TNFRSF10C: variants seen among roughly 807,000 people sequenced by gnomAD.
TNFRSF10C encodes the protein tumor necrosis factor receptor superfamily member 10C.
In TNFRSF10C, 17 loss-of-function variants were observed where a neutral mutation model predicts 16.7. The observed-to-expected ratio is 1.02, with a 90% CI of 0.70 to 1.53. The LOEUF is 1.53. Among genes scored for constraint, TNFRSF10C ranks in the 40% most tolerant of loss-of-function variants. The pLI is 0.00. For synonymous variants in TNFRSF10C, 73 were observed against 119.7 expected (o/e 0.61, Z 2.55); for missense variants, 237 against 329.7 (o/e 0.72, Z 2.18).
rs761937814 is a variant in TNFRSF10C at position 23,103,135 on chromosome 8, C to G, written c.14C>G (p.Pro5Arg). ...GGGAACCATACCATGGCCCGGATCCCCAAGACCCTAAAGTTCGTCGTCGTC... is the reference window on the plus strand; with the variant it reads ...GGGAACCATACCATGGCCCGGATCCGCAAGACCCTAAAGTTCGTCGTCGTC... MARI[P>R]KTLKFVVVIV... Residue 5 changes from proline to arginine, a missense_variant, in exon 1 of 5, where the codon CCC becomes CGC. Physicochemically the swap from Pro to Arg is moderately radical, Grantham distance 103. Transcript: ENST00000356864. The G allele has an allele frequency of 3.7e-5, 60 of 1,612,164 alleles. No individual in the cohort carries two copies. Among genetic ancestry groups the G allele is most frequent in the Non-Finnish European group, 4.2e-5 (50 of 1,179,396 alleles).
intron 4 of TNFRSF10C, 128 bp downstream of exon 4, chr8:23,115,744 G>A: frequency 1.6e-6 from 1 of 643,132 alleles, no homozygotes; most frequent in Admixed American, 3.1e-5. Flanking sequence ...GAGCCTGTGG[G>A]GTCTCTTGGG....
chr8:23,103,060 G>T lies in TNFRSF10C; in HGVS notation c.-62G>T, dbSNP rs41308124. On this transcript the variant is annotated 5_prime_UTR_variant, in exon 1 of 5. Coordinates refer to ENST00000356864, the MANE Select transcript of TNFRSF10C (RefSeq NM_003841.5). ...GGGAACTCTGGGGACAGAGCGCCCCGGCCGCCTGATGGCCGAGGCAGGGTG... is the reference window on the plus strand; with the variant it reads ...GGGAACTCTGGGGACAGAGCGCCCCTGCCGCCTGATGGCCGAGGCAGGGTG... 1.0e-3 allele frequency: 1,576 copies of T among 1,583,866 alleles called. 15 individuals carry two copies. In the African/African-American group the frequency reaches 0.019, roughly 19 times the overall value.
At chr8:23,110,042 A>G (rs1481870104) in intron 1 of TNFRSF10C, among the ~76,000 whole-genome samples, 1 of 127,238 alleles carries the variant, frequency 7.9e-6, no homozygotes, top group Non-Finnish European at 1.6e-5. Flanking sequence ...GCGCTCCAAC[A>G]TGGAGGACAG....
At position 23,114,721 on chromosome 8, in the gene TNFRSF10C, C is replaced by T. The variant is rs769431508; in HGVS notation, c.231C>T (p.Asn77=). ...NPCTEGVDYT[N]ASNNEPSCFP... ...GCACAGAGGGTGTGGATTACACCAACGCTTCCAACAATGAACCTTCTTGCT... is the reference window on the plus strand; with the variant it reads ...GCACAGAGGGTGTGGATTACACCAATGCTTCCAACAATGAACCTTCTTGCT... Residue 77 remains asparagine, a synonymous_variant, in exon 3 of 5, where the codon AAC becomes AAT. Coordinates refer to ENST00000356864, the MANE Select transcript of TNFRSF10C (RefSeq NM_003841.5). The T allele has an allele frequency of 1.1e-4, 175 of 1,613,934 alleles. No individual in the cohort carries two copies. Among genetic ancestry groups the T allele is most frequent in the Non-Finnish European group, 1.3e-4 (156 of 1,179,962 alleles).
chr8:23,108,032 C>T (rs141315739), intron 1 of TNFRSF10C, among the ~76,000 whole-genome samples: 2 of 152,132 alleles, frequency 1.3e-5, no homozygotes, highest in East Asian at 1.9e-4. Flanking sequence ...AATCCGTATG[C>T]GTCCACAGCA....
chr8:23,109,068 G>A lies in TNFRSF10C; in HGVS notation c.61-2652G>A, dbSNP rs150076395. Among the ~76,000 whole-genome samples the A allele has an allele frequency of 2.4e-3, 372 of 152,248 alleles. 2 individuals are homozygous for A. The highest frequency in any genetic ancestry group is 8.5e-3 in the African/African-American group (352 of 41,556). ...CAATATAACACATCAAAAGTGGTGC[G>A]AAATAGCTAACAGTGCTCAGGGTGA... On this transcript the variant is annotated intron_variant, in intron 1 of 4. Transcript: ENST00000356864.
Position 23,102,958 on chromosome 8 carries a change from C to T in TNFRSF10C, c.-164C>T, listed in dbSNP as rs1813690229. The stretch of plus-strand genomic sequence containing the variant: ...GTGGGAACCTCTCCACGCGCACGAA[C>T]TCAGCCAACGATTTCTGATAGATTT... On this transcript the variant is annotated 5_prime_UTR_variant, in exon 1 of 5. Coordinates refer to ENST00000356864, the MANE Select transcript of TNFRSF10C (RefSeq NM_003841.5). 1.3e-6 allele frequency: 2 copies of T among 1,510,424 alleles called. No individual in the cohort carries two copies. The highest frequency in any genetic ancestry group is 2.8e-5 in the African/African-American group (2 of 71,842). The allele number at this position is 1,510,424 out of a possible 1,614,324, so 93.6% of individuals were successfully genotyped here.
chr8:23,114,588 T>C, intron 2 of TNFRSF10C, 69 bp from the exon 3 acceptor site: 1 of 1,332,814 alleles, frequency 7.5e-7, no homozygotes, highest in Admixed American at 1.8e-5. Flanking sequence ...AAAAAGAAGT[T>C]TCCCCACCAC....
chr8:23,104,052 A>C (rs1167180454), intron 1 of TNFRSF10C, among the ~76,000 whole-genome samples: 1 of 151,968 alleles, frequency 6.6e-6, no homozygotes, highest in Non-Finnish European at 1.5e-5. Flanking sequence ...TAACATTTTC[A>C]CCTCTCAAAA....
chr8:23,111,580 A>G, intron 1 of TNFRSF10C, 140 bp from the exon 2 acceptor site: 1 of 703,848 alleles, frequency 1.4e-6, no homozygotes, highest in Non-Finnish European at 2.5e-6. Flanking sequence ...CACAGGTATG[A>G]AAGAATGAAA....
At chr8:23,106,717 T>C (rs1282640443) in intron 1 of TNFRSF10C, among the ~76,000 whole-genome samples, 4 of 152,206 alleles carry the variant, frequency 2.6e-5, no homozygotes, top group Admixed American at 1.3e-4. Flanking sequence ...CTGGGTGCGG[T>C]GGCTCACGCC....
chr8:23,114,507 T>C, intron 2 of TNFRSF10C, 150 bp from the exon 3 acceptor site: 1 of 597,798 alleles, frequency 1.7e-6, no homozygotes, highest in East Asian at 2.9e-5. Flanking sequence ...AGGTATGTAA[T>C]AGATGCTGAA....
chr8:23,103,455 A>G, intron 1 of TNFRSF10C: 1 of 598,670 alleles, frequency 1.7e-6, no homozygotes, highest in Non-Finnish European at 3.0e-6. Context: ...GAGGGAGTCA[A>G]GGTGGAACCC....
At position 23,110,069 on chromosome 8, in the gene TNFRSF10C, C is replaced by CAAAA. The variant is rs56263402; in HGVS notation, c.61-1628_61-1625dup. 3.2e-3 allele frequency among the ~76,000 whole-genome samples: 128 copies of CAAAA among 39,632 alleles called. 20 individuals are homozygous for CAAAA. Among genetic ancestry groups the CAAAA allele is most frequent in the African/African-American group, 0.01 (82 of 7,874 alleles). 26.0% of individuals were successfully genotyped at this position (39,632 alleles called of 152,430 possible). On this transcript the variant is annotated intron_variant, in intron 1 of 4. Transcript: ENST00000356864. ...GGAGGACAGAGGGAGACCCTGTCTC[C>CAAAA]AAAAAAAAAAAAAAAAAAAAAAAAA...
Position 23,103,115 on chromosome 8 carries a change from C to A in TNFRSF10C, c.-7C>A. On this transcript the variant is annotated 5_prime_UTR_variant, in exon 1 of 5. Transcript: ENST00000356864. ...CCAGGACCCAGGACGGCGTCGGGAA[C>A]CATACCATGGCCCGGATCCCCAAGA... is the stretch of plus-strand genomic sequence containing the variant. 1 of 1,610,860 alleles carries A rather than the reference C, an allele frequency of 6.2e-7. No individual in the cohort carries two copies. The highest frequency in any genetic ancestry group is 1.1e-5 in the South Asian group (1 of 90,190).
chr8:23,107,852 G>A (rs1055972275), intron 1 of TNFRSF10C, among the ~76,000 whole-genome samples: 6 of 152,320 alleles, frequency 3.9e-5, no homozygotes, highest in Middle Eastern at 3.4e-3. Context: ...TATATGAGAT[G>A]GGCCTTAAAA....
At chr8:23,107,952 C>A (rs1813808098) in intron 1 of TNFRSF10C, among the ~76,000 whole-genome samples, 2 of 152,176 alleles carry the variant, frequency 1.3e-5, no homozygotes, top group Admixed American at 1.3e-4. Context: ...CCATGGCTAT[C>A]TCAGTATCAG....
intron 1 of TNFRSF10C, 118 bp from the exon 2 acceptor site, chr8:23,111,602 G>T: frequency 1.2e-6 from 1 of 803,212 alleles, no homozygotes. Flanking sequence ...TTTGGAGCTG[G>T]AAAAAATGTC....
chr8:23,114,592 C>T (rs755336609), intron 2 of TNFRSF10C, 65 bp from the exon 3 acceptor site: 265 of 1,369,316 alleles, frequency 1.9e-4, no homozygotes, highest in Admixed American at 5.7e-4. Flanking sequence ...AGAAGTTTCC[C>T]CACCACTGTC....
Sources: gnomAD v4.1 joint callset for allele counts (sites outside exome capture counted in the v4.1 genomes callset) on GRCh38, gnomAD v4.1.1 for gene constraint, MANE v1.5 for transcripts, NCBI Gene and HGNC (gene_info 2026-07-23, HGNC 2026-07-21) for gene names.